The following LINGO2 variants were observed in gnomAD, a reference collection of about 807,000 sequenced individuals.
LINGO2 encodes leucine rich repeat and Ig domain containing 2, also known as leucine-rich repeat and immunoglobulin-like domain-containing nogo receptor-interacting protein 2.
Under a neutral mutation model 30.6 loss-of-function variants are expected in LINGO2, and 14 were observed. The observed-to-expected ratio is 0.46, with a 90% confidence interval of 0.30 to 0.72. The LOEUF is 0.72. LINGO2 is among the 30% of genes least tolerant of loss of function. The pLI, the probability that LINGO2 is intolerant of heterozygous loss-of-function variation, is 0.07. For missense variants in LINGO2, 729 were observed against 751.7 expected (o/e 0.97, Z 0.35); for synonymous variants, 317 against 288.5 (o/e 1.10, Z -1.00).
chr9:28,233,988 T>G lies in LINGO2; in HGVS notation c.-87+61220A>C, dbSNP rs942985336. 5.9e-5 allele frequency among the ~76,000 whole-genome samples: 9 copies of G among 152,144 alleles called. No homozygotes were observed. The East Asian group carries it at 1.5e-3, about 26-fold the overall frequency. Reference sequence around the variant, plus strand: ...GGCTTTGAGCTGTGCTGGCTTCAGGTGAGACTCAGCACATTCCCACCTATG... The same window carrying G: ...GGCTTTGAGCTGTGCTGGCTTCAGGGGAGACTCAGCACATTCCCACCTATG... On this transcript the variant is annotated intron_variant, in intron 4 of 5. Transcript: ENST00000379992.
At chr9:28,058,394 A>G (rs1158782584) in intron 4 of LINGO2, among the ~76,000 whole-genome samples, 2 of 152,150 alleles carry the variant, frequency 1.3e-5, no homozygotes, top group East Asian at 3.8e-4. Context: ...TACATAAGGT[A>G]CCCAATGTAG....
the LINGO2 span, among the ~76,000 whole-genome samples, chr9:29,132,891 T>G: frequency 6.6e-6 from 1 of 152,034 alleles, no homozygotes; most frequent in African/African-American, 2.4e-5. Context: ...CTTTTTTTTT[T>G]ACTGTTTTTT....
At chr9:28,913,749 T>C in the LINGO2 span, among the ~76,000 whole-genome samples, 1 of 152,158 alleles carries the variant, frequency 6.6e-6, no homozygotes, top group East Asian at 1.9e-4. Context: ...TTATTACATA[T>C]TCACTACTTA....
the LINGO2 span, among the ~76,000 whole-genome samples, chr9:28,861,843 T>A: frequency 6.6e-6 from 1 of 151,964 alleles, no homozygotes; most frequent in Non-Finnish European, 1.5e-5. Context: ...AAAAAAGCGG[T>A]AGTGAAATAA....
intron 1 of LINGO2, among the ~76,000 whole-genome samples, chr9:28,644,272 C>T (rs1419946818): frequency 6.6e-6 from 1 of 151,790 alleles, no homozygotes; most frequent in Non-Finnish European, 1.5e-5. Flanking sequence ...TTCACAATAG[C>T]AAAGATTTGG....
At chr9:28,379,597 A>G (rs1821263512) in intron 2 of LINGO2, among the ~76,000 whole-genome samples, 2 of 152,262 alleles carry the variant, frequency 1.3e-5, no homozygotes, top group Non-Finnish European at 2.9e-5. Flanking sequence ...GCAGAGCAGA[A>G]GTATGACTTA....
intron 4 of LINGO2, among the ~76,000 whole-genome samples, chr9:28,146,727 AT>A (rs1827823899): frequency 6.6e-6 from 1 of 152,184 alleles, no homozygotes; most frequent in African/African-American, 2.4e-5. Flanking sequence ...ACCTAGAGTT[AT>A]ATTTAGGGCA....
At chr9:29,039,339 G>C in the LINGO2 span, among the ~76,000 whole-genome samples, 1 of 152,112 alleles carries the variant, frequency 6.6e-6, no homozygotes, top group African/African-American at 2.4e-5. Flanking sequence ...CTACTGAGGA[G>C]AATAATGTTC....
At chr9:28,009,679 G>C (rs1408952577) in intron 5 of LINGO2, among the ~76,000 whole-genome samples, 1 of 152,152 alleles carries the variant, frequency 6.6e-6, no homozygotes, top group Non-Finnish European at 1.5e-5. Flanking sequence ...CTTCACATCT[G>C]CTAGATGGTT....
At chr9:28,911,414 T>C in the LINGO2 span, among the ~76,000 whole-genome samples, 1 of 152,000 alleles carries the variant, frequency 6.6e-6, no homozygotes, top group Non-Finnish European at 1.5e-5. Flanking sequence ...TACAGGTACA[T>C]ATAAAAAATT....
At chr9:28,084,318 C>T (rs1032002137) in intron 4 of LINGO2, among the ~76,000 whole-genome samples, 1 of 152,052 alleles carries the variant, frequency 6.6e-6, no homozygotes, top group African/African-American at 2.4e-5. Flanking sequence ...ATCTATTATG[C>T]ACCTGCAGGT....
the LINGO2 span, among the ~76,000 whole-genome samples, chr9:28,764,481 A>T: frequency 6.6e-6 from 1 of 151,940 alleles, no homozygotes; most frequent in Admixed American, 6.6e-5. Flanking sequence ...TGCTTAACAA[A>T]ATAGGAATAA....
chr9:28,850,362 C>G, the LINGO2 span, among the ~76,000 whole-genome samples: 5 of 151,912 alleles, frequency 3.3e-5, no homozygotes, highest in Non-Finnish European at 7.4e-5. Flanking sequence ...GAAATGCACA[C>G]TCCTGGTTCC....
the LINGO2 span, among the ~76,000 whole-genome samples, chr9:28,938,271 T>C: frequency 6.6e-6 from 1 of 152,292 alleles, no homozygotes; most frequent in East Asian, 1.9e-4. Context: ...CTTTATGGAG[T>C]GATTGGCCAA....
the LINGO2 span, among the ~76,000 whole-genome samples, chr9:29,056,273 AT>A: frequency 1.3e-5 from 2 of 151,888 alleles, no homozygotes; most frequent in South Asian, 2.1e-4. Context: ...TTATTTTTTG[AT>A]TTTTTGATTA....
At chr9:28,086,801 A>G (rs985736510) in intron 4 of LINGO2, among the ~76,000 whole-genome samples, 1 of 152,100 alleles carries the variant, frequency 6.6e-6, no homozygotes, top group Non-Finnish European at 1.5e-5. Flanking sequence ...CACGTCATCC[A>G]TCTCAAGGCT....
At position 28,484,924 on chromosome 9, in the gene LINGO2, G is replaced by C. The variant is rs529976417; in HGVS notation, c.-364-8899C>G. ...AAGTCTCCAAAATATTGAACTCTTA[G>C]AGAGGGATGGAAAGAACATCTGTCA... On this transcript the variant is annotated intron_variant, in intron 1 of 5. Transcript: ENST00000379992. Among the ~76,000 whole-genome samples, 5 of 152,146 alleles carry C rather than the reference G, an allele frequency of 3.3e-5. No individual in the cohort carries two copies. In the South Asian group the frequency reaches 1.0e-3, roughly 32 times the overall value.
At chr9:28,923,055 G>T in the LINGO2 span, among the ~76,000 whole-genome samples, 1 of 152,198 alleles carries the variant, frequency 6.6e-6, no homozygotes, top group Non-Finnish European at 1.5e-5. Context: ...GCCAAGGAAT[G>T]AAAGAAATGC....
the LINGO2 span, among the ~76,000 whole-genome samples, chr9:28,677,155 G>C: frequency 6.6e-6 from 1 of 152,122 alleles, no homozygotes; most frequent in South Asian, 2.1e-4. Context: ...GTGGCACAGA[G>C]GGATTAACTA....
Sources: allele counts gnomAD v4.1 joint callset (sites outside exome capture counted in the v4.1 genomes callset), GRCh38; gene constraint gnomAD v4.1.1; transcripts MANE v1.5; gene names NCBI Gene and HGNC (gene_info 2026-07-23, HGNC 2026-07-21).